The following ADCY5 variants were observed in gnomAD, a reference collection of about 807,000 sequenced individuals.
ADCY5 encodes the protein adenylate cyclase 5.
Under a neutral mutation model 119.7 loss-of-function variants are expected in ADCY5, and 30 were observed. The ratio of observed to expected loss-of-function variants is 0.25; its 90% CI spans 0.19 to 0.34. ADCY5 has a LOEUF of 0.34. Among genes scored for constraint, ADCY5 ranks in the 10% least tolerant of loss-of-function variants. ADCY5 has a pLI of 1.00. For missense variants in ADCY5, 1,324 were observed against 1,775.2 expected, an observed-to-expected ratio of 0.75 and a Z score of 4.57; for synonymous variants, 753 against 762.2, an observed-to-expected ratio of 0.99 and a Z score of 0.20.
chr3:123,321,963 C>T (rs1224730590), intron 8 of ADCY5, among the ~76,000 whole-genome samples: 1 of 152,212 alleles, frequency 6.6e-6, no homozygotes. Flanking sequence ...CAGTTGTCTG[C>T]CTAGGCAAAC....
intron 12 of ADCY5, among the ~76,000 whole-genome samples, chr3:123,308,965 C>T (rs555320248): frequency 6.6e-6 from 1 of 152,374 alleles, no homozygotes; most frequent in South Asian, 2.1e-4. Flanking sequence ...CAGCCAATCA[C>T]TTAATGCTTG....
At position 123,447,612 on chromosome 3, in the gene ADCY5, C is replaced by T; in HGVS notation, c.934G>A (p.Val312Ile). The change falls in exon 1 of 21, where the codon GTC becomes ATC. Residue 312 changes from valine to isoleucine, a missense_variant. By Grantham distance (29) the Val-to-Ile change is conservative (BLOSUM62 3). This residue lies in a region of ADCY5 where 585 missense variants were observed against 569.9 expected (regional missense o/e 1.03). Transcript: ENST00000462833. ...GGCAGCAGCAGGCCCACCACCTGGA[C>T]GGCCAGCACCACGGCGATGAGCGCA... ...CYALIAVVLA[V>I]QVVGLLLPQP... 1.2e-6 allele frequency: 2 copies of T among 1,607,368 alleles called. No individual in the cohort carries two copies. The highest frequency in any genetic ancestry group is 1.7e-6 in the Non-Finnish European group (2 of 1,178,558).
rs1467161106 is a variant in ADCY5 at position 123,283,089 on chromosome 3, C to T, written c.*1519G>A. The T allele has an allele frequency of 6.6e-6, 1 of 152,236 alleles. No homozygotes were observed. Among genetic ancestry groups the T allele is most frequent in the African/African-American group, 2.4e-5 (1 of 41,452 alleles). The allele number at this position is 152,236 out of a possible 1,614,324, so 9.4% of individuals were successfully genotyped here. On this transcript the variant is annotated 3_prime_UTR_variant, in exon 21 of 21. Coordinates refer to ENST00000462833, the MANE Select transcript of ADCY5 (RefSeq NM_183357.3). ...TCCCTGTGGACTCTAAAGCTGGGCT[C>T]TACCCATTCCTCTGCCTGGTTTGCC...
intron 1 of ADCY5, among the ~76,000 whole-genome samples, chr3:123,395,917 G>C (rs1944529910): frequency 1.4e-5 from 2 of 143,656 alleles, no homozygotes; most frequent in African/African-American, 5.1e-5. Flanking sequence ...AAGAGAGAAA[G>C]AAAGGAGTGG....
chr3:123,297,729 C>T (rs574341874), intron 15 of ADCY5, among the ~76,000 whole-genome samples: 12 of 152,332 alleles, frequency 7.9e-5, no homozygotes, highest in African/African-American at 1.4e-4. Flanking sequence ...CCCACAGCTG[C>T]GCTGCTTGGT....
At chr3:123,432,065 C>T (rs1468670965) in intron 1 of ADCY5, among the ~76,000 whole-genome samples, 1 of 152,160 alleles carries the variant, frequency 6.6e-6, no homozygotes, top group Non-Finnish European at 1.5e-5. Flanking sequence ...CTGACGGACT[C>T]ATTGAGGTTA....
At chr3:123,406,056 C>T (rs1465477537) in intron 1 of ADCY5, among the ~76,000 whole-genome samples, 1 of 152,196 alleles carries the variant, frequency 6.6e-6, no homozygotes, top group Non-Finnish European at 1.5e-5. Context: ...TGTGAGTGCA[C>T]CTTTCATATG....
intron 17 of ADCY5, among the ~76,000 whole-genome samples, chr3:123,295,409 C>T (rs1237117472): frequency 1.3e-5 from 2 of 152,216 alleles, no homozygotes; most frequent in African/African-American, 4.8e-5. Flanking sequence ...TGCTCTTGGG[C>T]ACTCCCTCCT....
At chr3:123,336,640 G>A (rs938670323) in intron 3 of ADCY5, among the ~76,000 whole-genome samples, 5 of 152,106 alleles carry the variant, frequency 3.3e-5, no homozygotes, top group Admixed American at 1.3e-4. Flanking sequence ...AGGGTGGGGC[G>A]CCCCAGACAC....
intron 17 of ADCY5, 52 bp from the exon 18 acceptor site, chr3:123,291,428 C>A: frequency 6.4e-7 from 1 of 1,569,898 alleles, no homozygotes; most frequent in South Asian, 1.2e-5. Flanking sequence ...GCCCAGATGT[C>A]GGCCCCTCCA....
chr3:123,427,052 G>C (rs1576690302), intron 1 of ADCY5, among the ~76,000 whole-genome samples: 1 of 152,252 alleles, frequency 6.6e-6, no homozygotes, highest in South Asian at 2.1e-4. Flanking sequence ...CCTGATTGGG[G>C]GACATTAGGG....
intron 18 of ADCY5, among the ~76,000 whole-genome samples, chr3:123,290,796 C>T (rs1168715675): frequency 2.0e-5 from 3 of 152,194 alleles, no homozygotes; most frequent in Admixed American, 1.3e-4. Flanking sequence ...AGTCAGAGAG[C>T]TGCCAAAGGC....
intron 1 of ADCY5, among the ~76,000 whole-genome samples, chr3:123,392,630 T>G (rs2107588407): frequency 6.6e-6 from 1 of 152,246 alleles, no homozygotes; most frequent in Non-Finnish European, 1.5e-5. Context: ...AGGCCCTCGG[T>G]CCCCAGGCAG....
At chr3:123,353,380 A>G (rs1485400957) in intron 1 of ADCY5, among the ~76,000 whole-genome samples, 1 of 152,262 alleles carries the variant, frequency 6.6e-6, no homozygotes, top group Non-Finnish European at 1.5e-5. Context: ...CGGTACATTC[A>G]GATCCCAGTG....
chr3:123,419,934 C>A (rs572612531), intron 1 of ADCY5, among the ~76,000 whole-genome samples: 8 of 152,244 alleles, frequency 5.3e-5, no homozygotes, highest in South Asian at 2.1e-4. Context: ...GACACCCCCC[C>A]ACCCCTCCAC....
intron 1 of ADCY5, among the ~76,000 whole-genome samples, chr3:123,432,910 A>C (rs1158966827): frequency 2.0e-5 from 3 of 152,128 alleles, no homozygotes; most frequent in Non-Finnish European, 4.4e-5. Flanking sequence ...CCCAGGGAAG[A>C]AGCACCCAGA....
At chr3:123,337,683 T>TAGG (rs950139186) in intron 3 of ADCY5, among the ~76,000 whole-genome samples, 3 of 152,230 alleles carry the variant, frequency 2.0e-5, no homozygotes, top group Non-Finnish European at 4.4e-5. Context: ...CCTATTGGAT[T>TAGG]AGGAGCCCAT....
intron 1 of ADCY5, among the ~76,000 whole-genome samples, chr3:123,407,213 C>T (rs1244441843): frequency 6.6e-6 from 1 of 150,756 alleles, no homozygotes; most frequent in Non-Finnish European, 1.5e-5. Flanking sequence ...AGACACCCTA[C>T]TGCTCTCAGC....
At chr3:123,331,158 G>A (rs1439683741) in intron 4 of ADCY5, 142 bp from the exon 5 acceptor site, 21 of 878,518 alleles carry the variant, frequency 2.4e-5, no homozygotes, top group East Asian at 2.2e-4. Context: ...GCCGGAACTC[G>A]GCATGGTCCT....
Sources: allele counts gnomAD v4.1 joint callset (sites outside exome capture counted in the v4.1 genomes callset), GRCh38; gene constraint gnomAD v4.1.1; regional missense constraint gnomAD v4.1.1; transcripts MANE v1.5; gene names NCBI Gene and HGNC (gene_info 2026-07-23, HGNC 2026-07-21).